Variants in CTCF observed in about 807,000 individuals in gnomAD.
CTCF encodes the protein CCCTC-binding factor.
In CTCF, 7 loss-of-function variants were observed where a neutral mutation model predicts 72.3. That is an observed-to-expected ratio of 0.10 (90% CI 0.06 to 0.18). CTCF has a LOEUF of 0.18. Ranked by LOEUF, CTCF falls within the 10% of genes least tolerant of loss-of-function variation. The pLI, the probability that CTCF is intolerant of heterozygous loss-of-function variation, is 1.00. For missense variants in CTCF, 516 were observed against 949.1 expected (o/e 0.54, Z 6.00); for synonymous variants, 374 against 315.8 (o/e 1.18, Z -1.95).
intron 7 of CTCF, among the ~76,000 whole-genome samples, chr16:67,625,415 G>A (rs1279277262): frequency 6.6e-6 from 1 of 152,196 alleles, no homozygotes; most frequent in Non-Finnish European, 1.5e-5. Context: ...GGCCAGGCTG[G>A]TCTTGAACTC....
intron 2 of CTCF, among the ~76,000 whole-genome samples, chr16:67,583,213 C>G (rs945731649): frequency 1.3e-5 from 2 of 151,720 alleles, no homozygotes; most frequent in Admixed American, 6.6e-5. Flanking sequence ...CTCTTAACTC[C>G]TGACCTCAAG....
chr16:67,597,956 G>A lies in CTCF; in HGVS notation c.-9-12868G>A, dbSNP rs541746613. ...AGGAGTTTGGGGCTGGAGGGGAAGG[G>A]TTGTTTTCTTTTTGGTTTTGTTTTT... On this transcript the variant is annotated intron_variant, in intron 2 of 11. Coordinates refer to ENST00000264010, the MANE Select transcript of CTCF (RefSeq NM_006565.4). Among the ~76,000 whole-genome samples, 5 of 152,104 alleles carry A rather than the reference G, an allele frequency of 3.3e-5. 1 individual carries two copies. The highest frequency in any genetic ancestry group is 1.3e-4 in the Admixed American group (2 of 15,238).
At position 67,629,447 on chromosome 16, in the gene CTCF, AGG is replaced by A; in HGVS notation, c.1755_1756del (p.Glu586LysfsTer9). 1 of 1,611,236 alleles carries A rather than the reference AGG, an allele frequency of 6.2e-7. No individual in the cohort carries two copies. Among genetic ancestry groups the A allele is most frequent in the East Asian group, 2.2e-5 (1 of 44,684 alleles). ...AATTGTGCTGGCCCAGATGGCGTAGAGGGGGAAAATGGAGGAGAAACGAAGAA... is the reference window on the plus strand; with the variant it reads ...AATTGTGCTGGCCCAGATGGCGTAGAGGGAAAATGGAGGAGAAACGAAGAA... On this transcript the variant is annotated frameshift_variant, in exon 10 of 12. Coordinates refer to ENST00000264010, the MANE Select transcript of CTCF (RefSeq NM_006565.4). LOFTEE classifies it high-confidence loss of function.
In CTCF at chr16:67,629,483, G is replaced by C. The variant is rs760093869; in HGVS notation, c.1787G>C (p.Arg596Pro). ...GGAGGAGAAACGAAGAAGAGTAAAC[G>C]TGGAAGAAAAAGAAAGATGCGCTCT... is the stretch of plus-strand genomic sequence containing the variant. Reference protein sequence around the residue: ...ENGGETKKSKRGRKRKMRSKK... With the variant: ...ENGGETKKSKPGRKRKMRSKK... The change falls in exon 10 of 12, where the codon CGT becomes CCT. Residue 596 changes from arginine (R) to proline (P), a missense_variant. Arg to Pro is a moderately radical substitution (Grantham distance 103, BLOSUM62 -2). Coordinates refer to ENST00000264010, the MANE Select transcript of CTCF (RefSeq NM_006565.4). The C allele has an allele frequency of 6.2e-7, 1 of 1,613,590 alleles. No homozygotes were observed. Among genetic ancestry groups the C allele is most frequent in the Non-Finnish European group, 8.5e-7 (1 of 1,179,852 alleles).
intron 10 of CTCF, among the ~76,000 whole-genome samples, chr16:67,630,214 A>G (rs2052346134): frequency 6.6e-6 from 1 of 152,210 alleles, no homozygotes; most frequent in South Asian, 2.1e-4. Flanking sequence ...AAGCTGGTCT[A>G]GATAAGAGCA....
Position 67,629,469 on chromosome 16 carries a change from G to A in CTCF, c.1773G>A (p.Thr591=), listed in dbSNP as rs771279936. The stretch of plus-strand genomic sequence containing the variant: ...TAGAGGGGGAAAATGGAGGAGAAAC[G>A]AAGAAGAGTAAACGTGGAAGAAAAA... ...DGVEGENGGE[T]KKSKRGRKRK... Residue 591 remains threonine (T), a synonymous_variant, in exon 10 of 12, where the codon ACG becomes ACA. Coordinates refer to ENST00000264010, the MANE Select transcript of CTCF (RefSeq NM_006565.4). 6.8e-6 allele frequency: 11 copies of A among 1,613,388 alleles called. No individual in the cohort carries two copies. Among genetic ancestry groups the A allele is most frequent in the South Asian group, 5.5e-5 (5 of 90,952 alleles).
rs185903404 is a variant in CTCF at position 67,608,217 on chromosome 16, G to C, written c.-9-2607G>C. Among the ~76,000 whole-genome samples, 813 of 151,368 alleles carry C rather than the reference G, an allele frequency of 5.4e-3. 6 individuals carry two copies. Among genetic ancestry groups the C allele is most frequent in the African/African-American group, 0.019 (796 of 41,198 alleles). On this transcript the variant is annotated intron_variant, in intron 2 of 11. Transcript: ENST00000264010. The stretch of plus-strand genomic sequence containing the variant: ...TGGGCGCCTGTAGTCCCAGCTACTC[G>C]GGAGGCTGAGGCAGGAGAATGGCGT...
chr16:67,619,613 C>G (rs974520570), intron 5 of CTCF, among the ~76,000 whole-genome samples: 2 of 152,160 alleles, frequency 1.3e-5, no homozygotes, highest in Non-Finnish European at 2.9e-5. Flanking sequence ...GGGTCTCTCA[C>G]TCTGTCGCCC....
At chr16:67,593,302 T>C (rs955890938) in intron 2 of CTCF, among the ~76,000 whole-genome samples, 2 of 152,018 alleles carry the variant, frequency 1.3e-5, no homozygotes, top group East Asian at 3.8e-4. Context: ...ACCCAGGTAA[T>C]GAGCATAGTA....
intron 7 of CTCF, 89 bp from the exon 8 acceptor site, chr16:67,626,452 CAAAAAAAAAAAAAA>C: frequency 2.7e-6 from 1 of 369,652 alleles, no homozygotes; most frequent in Non-Finnish European, 3.8e-6. Context: ...GACTCCGTCT[CAAAAAAAAAAAAAA>C]AAAAAAAGAA....
At chr16:67,574,216 GCTT>G (rs1413124764) in intron 2 of CTCF, among the ~76,000 whole-genome samples, 1 of 152,152 alleles carries the variant, frequency 6.6e-6, no homozygotes, top group Admixed American at 6.6e-5. Context: ...TTCCTTCAGA[GCTT>G]CTGACCAACT....
chr16:67,594,067 A>T (rs931966312), intron 2 of CTCF, among the ~76,000 whole-genome samples: 1 of 152,190 alleles, frequency 6.6e-6, no homozygotes. Flanking sequence ...GATTTTAAAA[A>T]ATCTAACCTG....
chr16:67,584,337 C>CTTTTTTTTTTTTTTTTT (rs904086024), intron 2 of CTCF, among the ~76,000 whole-genome samples: 1 of 105,860 alleles, frequency 9.4e-6, no homozygotes, highest in African/African-American at 4.3e-5. Flanking sequence ...AAAAAGTCTT[C>CTTTTTTTTTTTTTTTTT]TTTTTTTTTT....
At chr16:67,577,845 C>T (rs1378049561) in intron 2 of CTCF, among the ~76,000 whole-genome samples, 1 of 152,144 alleles carries the variant, frequency 6.6e-6, no homozygotes, top group Non-Finnish European at 1.5e-5. Context: ...TGCATCTGCC[C>T]AGCTGTTAGA....
chr16:67,620,588 G>A, intron 5 of CTCF, 109 bp from the exon 6 acceptor site: 1 of 833,054 alleles, frequency 1.2e-6, no homozygotes, highest in African/African-American at 1.7e-5. Flanking sequence ...TTAGACTTCT[G>A]TATTCTGAAC....
chr16:67,632,393 G>T (rs754728768), intron 10 of CTCF, among the ~76,000 whole-genome samples: 1 of 152,162 alleles, frequency 6.6e-6, no homozygotes, highest in Non-Finnish European at 1.5e-5. Context: ...TGTTCTGTCT[G>T]CTGCTGGTTA....
At chr16:67,567,067 C>T (rs1205858910) in intron 1 of CTCF, among the ~76,000 whole-genome samples, 6 of 151,924 alleles carry the variant, frequency 3.9e-5, no homozygotes, top group African/African-American at 4.8e-5. Flanking sequence ...GTCTCAAACT[C>T]GTGGCCTCAA....
intron 2 of CTCF, among the ~76,000 whole-genome samples, chr16:67,581,673 A>G (rs962396339): frequency 6.6e-6 from 1 of 151,590 alleles, no homozygotes; most frequent in African/African-American, 2.4e-5. Flanking sequence ...CCGGCTAATC[A>G]TGTACTTTTA....
chr16:67,575,042 A>T (rs569486262), intron 2 of CTCF, among the ~76,000 whole-genome samples: 1 of 152,334 alleles, frequency 6.6e-6, no homozygotes, highest in East Asian at 1.9e-4. Flanking sequence ...GCATTTAAGA[A>T]TTACATTTTT....
Sources: gnomAD v4.1 joint callset for allele counts (sites outside exome capture counted in the v4.1 genomes callset) on GRCh38, gnomAD v4.1.1 for gene constraint, MANE v1.5 for transcripts, NCBI Gene and HGNC (gene_info 2026-07-23, HGNC 2026-07-21) for gene names.